The following TCERG1L variants were observed in gnomAD, a reference collection of about 807,000 sequenced individuals.
TCERG1L encodes the protein transcription elongation regulator 1-like protein.
A neutral mutation model predicts 56.3 loss-of-function variants in TCERG1L; 37 were observed. That is an observed-to-expected ratio of 0.66 (90% CI 0.51 to 0.87). The LOEUF is 0.87. Among genes scored for constraint, TCERG1L ranks in the 40% least tolerant of loss-of-function variants. The probability of loss-of-function intolerance (pLI) is 0.00; values close to 1 mark genes in which losing one functional copy is unlikely to be tolerated. For missense variants in TCERG1L, 799 were observed against 774.2 expected, an observed-to-expected ratio of 1.03 and a Z score of -0.38; for synonymous variants, 324 against 326.3, an observed-to-expected ratio of 0.99 and a Z score of 0.08.
intron 4 of TCERG1L, among the ~76,000 whole-genome samples, chr10:131,167,449 C>T (rs558055613): frequency 1.3e-5 from 2 of 152,366 alleles, no homozygotes; most frequent in African/African-American, 4.8e-5. Context: ...AACCTGCGCC[C>T]TGGACTCCAT....
In TCERG1L at chr10:131,174,427, C is replaced by T. The variant is rs553884184; in HGVS notation, c.857-7542G>A. Among the ~76,000 whole-genome samples the T allele has an allele frequency of 3.7e-4, 57 of 152,260 alleles. 1 individual carries two copies. The East Asian group carries it at 0.011, about 30-fold the overall frequency. On this transcript the variant is annotated intron_variant, in intron 4 of 11. Coordinates refer to ENST00000368642, the MANE Select transcript of TCERG1L (RefSeq NM_174937.4). ...AGGAGGACGCCAGCTGGCTGGGCTG[C>T]TGTGCGGTTGGAGAGGGCTCAGGTC... is the stretch of plus-strand genomic sequence containing the variant.
chr10:131,177,953 T>C (rs1392121699), intron 4 of TCERG1L, among the ~76,000 whole-genome samples: 2 of 151,836 alleles, frequency 1.3e-5, no homozygotes, highest in Non-Finnish European at 2.9e-5. Context: ...CTGTTTCCAC[T>C]TTACTTTTTC....
chr10:131,130,191 G>A (rs1400803080), intron 8 of TCERG1L, among the ~76,000 whole-genome samples: 2 of 151,960 alleles, frequency 1.3e-5, no homozygotes, highest in Non-Finnish European at 2.9e-5. Flanking sequence ...CGGCAGGCAA[G>A]GAGAGTGTGT....
chr10:131,152,294 A>T (rs768996898), intron 6 of TCERG1L, among the ~76,000 whole-genome samples: 5 of 152,126 alleles, frequency 3.3e-5, no homozygotes, highest in Non-Finnish European at 7.3e-5. Flanking sequence ...AGACACCCTA[A>T]ATCATCTCTC....
At chr10:131,245,760 G>A (rs572602108) in intron 4 of TCERG1L, among the ~76,000 whole-genome samples, 2 of 152,306 alleles carry the variant, frequency 1.3e-5, no homozygotes, top group East Asian at 3.9e-4. Context: ...GTTCGGAGTT[G>A]GCGGGAGGGG....
chr10:131,135,578 C>T (rs1845666480), intron 7 of TCERG1L, among the ~76,000 whole-genome samples: 2 of 152,204 alleles, frequency 1.3e-5, no homozygotes, highest in Admixed American at 1.3e-4. Context: ...GCGTGGGGCC[C>T]TTGGTAAGAG....
At chr10:131,217,879 G>A (rs916269530) in intron 4 of TCERG1L, among the ~76,000 whole-genome samples, 2 of 151,832 alleles carry the variant, frequency 1.3e-5, no homozygotes, top group African/African-American at 4.8e-5. Context: ...CCGCCACCAC[G>A]CCCGGCTAAT....
intron 3 of TCERG1L, among the ~76,000 whole-genome samples, chr10:131,273,162 TC>T (rs1249835422): frequency 6.6e-6 from 1 of 152,082 alleles, no homozygotes; most frequent in Non-Finnish European, 1.5e-5. Flanking sequence ...CTAGGTCGGG[TC>T]CCTGCCCCAT....
intron 4 of TCERG1L, among the ~76,000 whole-genome samples, chr10:131,232,403 G>A (rs1052711704): frequency 1.3e-5 from 2 of 152,206 alleles, no homozygotes; most frequent in Admixed American, 6.5e-5. Flanking sequence ...CTTTTGTTTT[G>A]CAGGAGCGTT....
intron 7 of TCERG1L, among the ~76,000 whole-genome samples, chr10:131,146,132 A>G (rs1368540733): frequency 1.3e-5 from 2 of 152,228 alleles, no homozygotes; most frequent in African/African-American, 4.8e-5. Context: ...GTAAGGTGGA[A>G]GAAAACACAC....
intron 9 of TCERG1L, among the ~76,000 whole-genome samples, chr10:131,108,323 C>T (rs578227244): frequency 2.6e-4 from 39 of 152,330 alleles, no homozygotes; most frequent in African/African-American, 8.2e-4. Flanking sequence ...TGGGATTCCT[C>T]GGTTACAGCG....
Position 131,260,697 on chromosome 10 carries a change from TAC to T in TCERG1L, c.671-255_671-254del, listed in dbSNP as rs1158436163. Among the ~76,000 whole-genome samples, 1 of 152,124 alleles carries T rather than the reference TAC, an allele frequency of 6.6e-6. No individual in the cohort carries two copies. Among genetic ancestry groups the T allele is most frequent in the Non-Finnish European group, 1.5e-5 (1 of 68,014 alleles). On this transcript the variant is annotated intron_variant, in intron 3 of 11. Coordinates refer to ENST00000368642, the MANE Select transcript of TCERG1L (RefSeq NM_174937.4). This position sits in a 1 kb window ranked among gnomAD's most constrained non-coding sequence, Gnocchi z 5.8. ...GTGATGCCCAGTGAGCTGCAAGGCT[TAC>T]AGTCACCAGGGGACGAGCCAGGACC...
intron 6 of TCERG1L, among the ~76,000 whole-genome samples, chr10:131,147,841 C>T (rs184480501): frequency 1.2e-4 from 18 of 152,380 alleles, no homozygotes; most frequent in African/African-American, 3.4e-4. Context: ...CCGCCAGCCT[C>T]GCACAGGTTC....
At chr10:131,156,327 G>A (rs557065621) in intron 6 of TCERG1L, 2 of 152,100 alleles carry the variant, frequency 1.3e-5, no homozygotes, top group African/African-American at 4.8e-5. Context: ...TTTTTTAAAT[G>A]TCACGCCCAA....
intron 4 of TCERG1L, among the ~76,000 whole-genome samples, chr10:131,177,887 G>A (rs926890019): frequency 2.0e-5 from 3 of 150,708 alleles, no homozygotes; most frequent in African/African-American, 7.3e-5. Flanking sequence ...CTCGCATGAC[G>A]CTCGCACTGC....
At chr10:131,169,872 C>A (rs566921073) in intron 4 of TCERG1L, among the ~76,000 whole-genome samples, 16 of 152,150 alleles carry the variant, frequency 1.1e-4, no homozygotes, top group Non-Finnish European at 2.1e-4. Flanking sequence ...ACAGCATTGC[C>A]TAGTTTACTC....
At chr10:131,126,829 G>C (rs2133397849) in intron 8 of TCERG1L, among the ~76,000 whole-genome samples, 1 of 152,302 alleles carries the variant, frequency 6.6e-6, no homozygotes, top group Non-Finnish European at 1.5e-5. Context: ...GGTAACATTT[G>C]CAAAATTACC....
At position 131,162,114 on chromosome 10, in the gene TCERG1L, G is replaced by C. The variant is rs542316280; in HGVS notation, c.1034+1008C>G. ...CAATGTCTAAAGCAGGGCAGCCAGAGGGACTGACCCCAGCCTGTGGGGTTT... is the reference window on the plus strand; with the variant it reads ...CAATGTCTAAAGCAGGGCAGCCAGACGGACTGACCCCAGCCTGTGGGGTTT... On this transcript the variant is annotated intron_variant, in intron 6 of 11. Transcript: ENST00000368642. The C allele has an allele frequency of 5.9e-5, 9 of 152,386 alleles. No individual in the cohort carries two copies. In the South Asian group the frequency reaches 6.2e-4, roughly 11 times the overall value. The allele number at this position is 152,386 out of a possible 1,614,324, so 9.4% of individuals were successfully genotyped here. A position where few individuals can be genotyped will look rare whatever the true frequency, so the allele number is the denominator to read the frequency against.
At chr10:131,183,514 T>C (rs1207716775) in intron 4 of TCERG1L, among the ~76,000 whole-genome samples, 1 of 152,188 alleles carries the variant, frequency 6.6e-6, no homozygotes, top group African/African-American at 2.4e-5. Flanking sequence ...GGGGCTTCTC[T>C]CGTATTTCAG....
Sources: gnomAD v4.1 joint callset for allele counts (sites outside exome capture counted in the v4.1 genomes callset) on GRCh38, gnomAD v4.1.1 for gene constraint, Gnocchi (gnomAD v3.1) non-coding constraint, MANE v1.5 for transcripts, NCBI Gene and HGNC (gene_info 2026-07-23, HGNC 2026-07-21) for gene names.